Variants in RILP observed in about 807,000 individuals in gnomAD.
RILP encodes rab-interacting lysosomal protein.
A neutral mutation model predicts 40.0 loss-of-function variants in RILP; 53 were observed. That is an observed-to-expected ratio of 1.32 (90% confidence interval 1.06 to 1.66). The LOEUF (loss-of-function observed/expected upper bound fraction) is 1.66. Ranked by LOEUF, RILP falls within the 40% of genes most tolerant of loss-of-function variation. The pLI is 0.00. For missense variants in RILP, 626 were observed against 551.7 expected (o/e 1.13, Z -1.35); for synonymous variants, 272 against 250.6 (o/e 1.09, Z -0.80).
chr17:1,647,978 G>A, intron 5 of RILP, 21 bp from the exon 6 acceptor site: 1 of 1,613,098 alleles, frequency 6.2e-7, no homozygotes, highest in Non-Finnish European at 8.5e-7. Context: ...GGGGCAGGGA[G>A]GGAGAAAGCC....
chr17:1,647,810 C>T (rs780933810), intron 6 of RILP, 25 bp downstream of exon 6: 46 of 1,613,706 alleles, frequency 2.9e-5, no homozygotes, highest in African/African-American at 5.3e-5. Context: ...GGCCTGGCTC[C>T]GTGGGAATGC....
Position 1,649,163 on chromosome 17 carries a change from G to T in RILP, c.429+37C>A. On this transcript the variant is annotated intron_variant, in intron 3 of 7. Transcript: ENST00000301336. This position sits in a 1 kb window ranked among gnomAD's most constrained non-coding sequence, Gnocchi z 4.3. ...CCCCGCCCAGCGCCTGCCACGCTCCGCCCCCGCCCCGCCCCAGAGCCCCGC... is the reference window on the plus strand; with the variant it reads ...CCCCGCCCAGCGCCTGCCACGCTCCTCCCCCGCCCCGCCCCAGAGCCCCGC... The T allele has an allele frequency of 1.4e-6, 1 of 726,196 alleles. No homozygotes were observed. Among genetic ancestry groups the T allele is most frequent in the Non-Finnish European group, 1.9e-6 (1 of 538,306 alleles). The allele number at this position is 726,196 out of a possible 1,614,324, so 45.0% of individuals were successfully genotyped here.
chr17:1,649,083 A>AG lies in RILP; in HGVS notation c.430-40dup. 1.0e-5 allele frequency: 12 copies of AG among 1,179,184 alleles called. No individual in the cohort carries two copies. Among genetic ancestry groups the AG allele is most frequent in the Non-Finnish European group, 1.2e-5 (11 of 945,068 alleles). 73.0% of individuals were successfully genotyped at this position (1,179,184 alleles called of 1,614,324 possible). A position where few individuals can be genotyped will look rare whatever the true frequency, so the allele number is the denominator to read the frequency against. On this transcript the variant is annotated intron_variant, in intron 3 of 7. Coordinates refer to ENST00000301336, the MANE Select transcript of RILP (RefSeq NM_031430.3). This position sits in a 1 kb window ranked among gnomAD's most constrained non-coding sequence, Gnocchi z 4.3. ...AAAGGGTGGGGTGGGCGGGGCACCG[A>AG]GGGCCCCCCGGAGCCCCGCCCAGCG...
Position 1,648,843 on chromosome 17 carries a change from A to T in RILP, c.631T>A (p.Trp211Arg). ...PGHQHGQEPE[W>R]ATAGAGAPGN... Reference sequence around the variant, plus strand: ...GGGGCGCCTGCGCCGGCGGTCGCCCATTCGGGCTCCTGTCCGTGCTGGTGC... The same window carrying T: ...GGGGCGCCTGCGCCGGCGGTCGCCCTTTCGGGCTCCTGTCCGTGCTGGTGC... The change falls in exon 4 of 8, where the codon TGG becomes AGG. Residue 211 changes from tryptophan (W) to arginine (R), a missense_variant. Physicochemically the swap from Trp to Arg is moderately radical, Grantham distance 101. Coordinates refer to ENST00000301336, the MANE Select transcript of RILP (RefSeq NM_031430.3). This position sits in a 1 kb window ranked among gnomAD's most constrained non-coding sequence, Gnocchi z 4.9. 6.5e-7 allele frequency: 1 copy of T among 1,541,392 alleles called. No homozygotes were observed. Among genetic ancestry groups the T allele is most frequent in the Non-Finnish European group, 8.7e-7 (1 of 1,154,106 alleles).
chr17:1,648,897 G>T lies in RILP; in HGVS notation c.577C>A (p.Arg193=), dbSNP rs996186032. The T allele has an allele frequency of 6.5e-7, 1 of 1,527,392 alleles. No individual in the cohort carries two copies. Among genetic ancestry groups the T allele is most frequent in the Non-Finnish European group, 8.7e-7 (1 of 1,144,076 alleles). The allele number at this position is 1,527,392 out of a possible 1,614,324, so 94.6% of individuals were successfully genotyped here. A position where few individuals can be genotyped will look rare whatever the true frequency, so the allele number is the denominator to read the frequency against. ...GEAATPQAKE[R]ARGQAGRPGH... ...GGCCGCCCGGCCTGCCCCCGCGCTC[G>T]CTCTTTAGCCTGCGGAGTCGCGGCT... Residue 193 remains arginine, a synonymous_variant, in exon 4 of 8, where the codon CGA becomes AGA. Coordinates refer to ENST00000301336, the MANE Select transcript of RILP (RefSeq NM_031430.3). This position sits in a 1 kb window ranked among gnomAD's most constrained non-coding sequence, Gnocchi z 4.9.
chr17:1,646,713 G>A lies in RILP; in HGVS notation c.1029-94C>T, dbSNP rs978790843. 1 of 1,320,376 alleles carries A rather than the reference G, an allele frequency of 7.6e-7. No individual in the cohort carries two copies. The highest frequency in any genetic ancestry group is 1.5e-5 in the African/African-American group (1 of 67,572). The allele number at this position is 1,320,376 out of a possible 1,614,324, so 81.8% of individuals were successfully genotyped here. A position where few individuals can be genotyped will look rare whatever the true frequency, so the allele number is the denominator to read the frequency against. On this transcript the variant is annotated intron_variant, in intron 7 of 7. Transcript: ENST00000301336. The surrounding 1 kb of genome is among the most constrained non-coding windows in gnomAD (Gnocchi z 4.3). ...GGGGATGGTGAGAAAAGGGGAGAGG[G>A]GGAAGAAAGGGCAGCCTGAGGGAGT...
Position 1,647,911 on chromosome 17 carries a change from T to C in RILP, c.868A>G (p.Met290Val), listed in dbSNP as rs201074480. The C allele has an allele frequency of 1.5e-5, 24 of 1,613,996 alleles. 1 individual carries two copies. In the South Asian group the frequency reaches 2.4e-4, roughly 16 times the overall value. Residue 290 changes from methionine (M) to valine (V), a missense_variant, in exon 6 of 8, where the codon ATG becomes GTG. By Grantham distance (21) the Met-to-Val change is conservative. Transcript: ENST00000301336. ...HRVPGLLLEA[M>V]KVAVRKQRKK... is the part of the protein sequence containing the mutation. Reference sequence around the variant, plus strand: ...CGCTGCTTCCGGACAGCCACCTTCATGGCCTCGAGCAGAAGGCCGGGGACC... The same window carrying C: ...CGCTGCTTCCGGACAGCCACCTTCACGGCCTCGAGCAGAAGGCCGGGGACC...
In RILP at chr17:1,648,669, G is replaced by C; in HGVS notation, c.675+130C>G. The C allele has an allele frequency of 7.1e-7, 1 of 1,403,588 alleles. No individual in the cohort carries two copies. 86.9% of individuals were successfully genotyped at this position (1,403,588 alleles called of 1,614,324 possible). A position where few individuals can be genotyped will look rare whatever the true frequency, so the allele number is the denominator to read the frequency against. On this transcript the variant is annotated intron_variant, in intron 4 of 7. Coordinates refer to ENST00000301336, the MANE Select transcript of RILP (RefSeq NM_031430.3). The surrounding 1 kb of genome is among the most constrained non-coding windows in gnomAD (Gnocchi z 4.9). ...GAGCGGGGGCCGAGGCCGGCCGGGGGCGCAGATCTGTCTGCCACCTCCCCG... is the reference window on the plus strand; with the variant it reads ...GAGCGGGGGCCGAGGCCGGCCGGGGCCGCAGATCTGTCTGCCACCTCCCCG...
Position 1,649,515 on chromosome 17 carries a change from C to G in RILP, c.229-10G>C. ...GCGCCGACACCTGCAGCTGGGGAGA[C>G]CCGGGTCTCAGGCTTCGGCCCTGCC... On this transcript the variant is annotated splice_polypyrimidine_tract_variant and intron_variant, in intron 1 of 7. Coordinates refer to ENST00000301336, the MANE Select transcript of RILP (RefSeq NM_031430.3). This position sits in a 1 kb window ranked among gnomAD's most constrained non-coding sequence, Gnocchi z 4.3. 10 of 1,505,426 alleles carry G rather than the reference C, an allele frequency of 6.6e-6. No individual in the cohort carries two copies. The highest frequency in any genetic ancestry group is 8.8e-6 in the Non-Finnish European group (10 of 1,134,606). 93.3% of individuals were successfully genotyped at this position (1,505,426 alleles called of 1,614,324 possible).
chr17:1,648,806 T>A lies in RILP; in HGVS notation c.668A>T (p.Glu223Val), dbSNP rs1200089726. 1 of 1,518,166 alleles carries A rather than the reference T, an allele frequency of 6.6e-7. No individual in the cohort carries two copies. Among genetic ancestry groups the A allele is most frequent in the Non-Finnish European group, 8.7e-7 (1 of 1,144,078 alleles). 94.0% of individuals were successfully genotyped at this position (1,518,166 alleles called of 1,614,324 possible). Residue 223 changes from glutamate to valine, a missense_variant, in exon 4 of 8, where the codon GAG (glutamate) becomes GTG (valine). By Grantham distance (121) the Glu-to-Val change is moderately radical (BLOSUM62 -2). Coordinates refer to ENST00000301336, the MANE Select transcript of RILP (RefSeq NM_031430.3). The surrounding 1 kb of genome is among the most constrained non-coding windows in gnomAD (Gnocchi z 4.9). The part of the protein sequence containing the change: ...TAGAGAPGNP[E>V]DPAEAAQQLG... ...CCCTCATACGGCACTCACCGGGTCCTCAGGGTTCCCTGGGGCGCCTGCGCC... is the reference window on the plus strand; with the variant it reads ...CCCTCATACGGCACTCACCGGGTCCACAGGGTTCCCTGGGGCGCCTGCGCC...
In RILP at chr17:1,646,239, G is replaced by C; in HGVS notation, c.*203C>G. ...GCTAGGCAGTCAGCTCTCATTTCAT[G>C]GATGGGGAAACTGAGACTCAGAGAG... On this transcript the variant is annotated 3_prime_UTR_variant, in exon 8 of 8. Transcript: ENST00000301336. This position sits in a 1 kb window ranked among gnomAD's most constrained non-coding sequence, Gnocchi z 4.3. 1 of 494,392 alleles carries C rather than the reference G, an allele frequency of 2.0e-6. No individual in the cohort carries two copies. The highest frequency in any genetic ancestry group is 3.5e-6 in the Non-Finnish European group (1 of 283,970). 30.6% of individuals were successfully genotyped at this position (494,392 alleles called of 1,614,324 possible). A position where few individuals can be genotyped will look rare whatever the true frequency, so the allele number is the denominator to read the frequency against.
rs779177436 is a variant in RILP at position 1,646,609 on chromosome 17, A to G, written c.1039T>C (p.Trp347Arg). Residue 347 changes from tryptophan (W) to arginine (R), a missense_variant, in exon 8 of 8, where the codon TGG becomes CGG. By Grantham distance (101) the Trp-to-Arg change is moderately radical. Coordinates refer to ENST00000301336, the MANE Select transcript of RILP (RefSeq NM_031430.3). This position sits in a 1 kb window ranked among gnomAD's most constrained non-coding sequence, Gnocchi z 4.3. ...GAGGATTCAGCTTTACCCCGATACC[A>G]TAGGCCAAAGCTGGAGAGAGACAGC... ...ESKIQSFFGLWYRGKAESSED... is the reference protein window; with the variant it reads ...ESKIQSFFGLRYRGKAESSED... 2 of 1,580,044 alleles carry G rather than the reference A, an allele frequency of 1.3e-6. No individual in the cohort carries two copies. Among genetic ancestry groups the G allele is most frequent in the Non-Finnish European group, 1.7e-6 (2 of 1,163,792 alleles).
In RILP at chr17:1,646,263, A is replaced by T; in HGVS notation, c.*179T>A. ...TGGATGGGGAAACTGAGACTCAGAG[A>T]GGCACTCTTATATCTGGCCCCAGAG... On this transcript the variant is annotated 3_prime_UTR_variant, in exon 8 of 8. Coordinates refer to ENST00000301336, the MANE Select transcript of RILP (RefSeq NM_031430.3). This position sits in a 1 kb window ranked among gnomAD's most constrained non-coding sequence, Gnocchi z 4.3. 1 of 513,092 alleles carries T rather than the reference A, an allele frequency of 1.9e-6. No individual in the cohort carries two copies. The highest frequency in any genetic ancestry group is 3.3e-6 in the Non-Finnish European group (1 of 298,742). 31.8% of individuals were successfully genotyped at this position (513,092 alleles called of 1,614,324 possible).
chr17:1,647,777 G>T, intron 6 of RILP, 58 bp downstream of exon 6: 7 of 1,609,708 alleles, frequency 4.3e-6, no homozygotes, highest in Non-Finnish European at 5.1e-6. Flanking sequence ...TGGGTCATCA[G>T]GCTCAGCAGA....
At position 1,648,129 on chromosome 17, in the gene RILP, C is replaced by A. The variant is rs933581201; in HGVS notation, c.822-172G>T. On this transcript the variant is annotated intron_variant, in intron 5 of 7. Transcript: ENST00000301336. This position sits in a 1 kb window ranked among gnomAD's most constrained non-coding sequence, Gnocchi z 4.9. ...ACCCTCAGACCTTAAATTAGGTGGC[C>A]CCGTGGCCCCCTCCTAGGAGAGATT... is the stretch of plus-strand genomic sequence containing the variant. Among the ~76,000 whole-genome samples the A allele has an allele frequency of 1.3e-5, 2 of 152,216 alleles. No homozygotes were observed. The highest frequency in any genetic ancestry group is 4.8e-5 in the African/African-American group (2 of 41,462).
chr17:1,649,046 T>G lies in RILP; in HGVS notation c.430-2A>C, dbSNP rs1281514446. On this transcript the variant is annotated splice_acceptor_variant, in intron 3 of 7. Coordinates refer to ENST00000301336, the MANE Select transcript of RILP (RefSeq NM_031430.3). LOFTEE classifies it high-confidence loss of function. The surrounding 1 kb of genome is among the most constrained non-coding windows in gnomAD (Gnocchi z 4.3). ...GAGGCGCTGCAGCTGCTCCTGCAAC[T>G]GGGAGCGGAGCAAAGGGTGGGGTGG... 1 of 270,508 alleles carries G rather than the reference T, an allele frequency of 3.7e-6. No homozygotes were observed. The highest frequency in any genetic ancestry group is 3.1e-5 in the South Asian group (1 of 32,524). The allele number at this position is 270,508 out of a possible 1,614,324, so 16.8% of individuals were successfully genotyped here. A position where few individuals can be genotyped will look rare whatever the true frequency, so the allele number is the denominator to read the frequency against.
In RILP at chr17:1,646,690, G is replaced by A. The variant is rs1910597198; in HGVS notation, c.1029-71C>T. The A allele has an allele frequency of 3.4e-5, 50 of 1,462,636 alleles. No individual in the cohort carries two copies. Among genetic ancestry groups the A allele is most frequent in the Non-Finnish European group, 4.6e-5 (50 of 1,082,716 alleles). The allele number at this position is 1,462,636 out of a possible 1,614,324, so 90.6% of individuals were successfully genotyped here. ...GGTCAAGGATATGGGTGAGGGCAGG[G>A]GATGGTGAGAAAAGGGGAGAGGGGG... On this transcript the variant is annotated intron_variant, in intron 7 of 7. Transcript: ENST00000301336. The surrounding 1 kb of genome is among the most constrained non-coding windows in gnomAD (Gnocchi z 4.3).
rs1473587079 is a variant in RILP at position 1,649,242 on chromosome 17, C to T, written c.387G>A (p.Ala129=). ...VTDRQRDELR[A]HNRDLRQRGQ... Reference sequence around the variant, plus strand: ...CGCGCTGCCGCAGGTCGCGGTTGTGCGCCCGGAGTTCGTCCCGCTGTCGGT... The same window carrying T: ...CGCGCTGCCGCAGGTCGCGGTTGTGTGCCCGGAGTTCGTCCCGCTGTCGGT... The change falls in exon 3 of 8, where the codon GCG becomes GCA. Residue 129 remains alanine, a synonymous_variant. Transcript: ENST00000301336. The surrounding 1 kb of genome is among the most constrained non-coding windows in gnomAD (Gnocchi z 4.3). 2 of 1,449,722 alleles carry T rather than the reference C, an allele frequency of 1.4e-6. No homozygotes were observed. Among genetic ancestry groups the T allele is most frequent in the Admixed American group, 2.1e-5 (1 of 47,216 alleles). The allele number at this position is 1,449,722 out of a possible 1,614,324, so 89.8% of individuals were successfully genotyped here. A position where few individuals can be genotyped will look rare whatever the true frequency, so the allele number is the denominator to read the frequency against.
Position 1,649,326 on chromosome 17 carries a change from A to C in RILP, c.323-20T>G. On this transcript the variant is annotated intron_variant, in intron 2 of 7. Coordinates refer to ENST00000301336, the MANE Select transcript of RILP (RefSeq NM_031430.3). This position sits in a 1 kb window ranked among gnomAD's most constrained non-coding sequence, Gnocchi z 4.3. Reference sequence around the variant, plus strand: ...GCTCCTCTGAGGAAGGGGCGTTCTTAGCGGCGGCGGCGCGCGGCCCGCGGG... The same window carrying C: ...GCTCCTCTGAGGAAGGGGCGTTCTTCGCGGCGGCGGCGCGCGGCCCGCGGG... The C allele has an allele frequency of 6.7e-7, 1 of 1,493,914 alleles. No homozygotes were observed. Among genetic ancestry groups the C allele is most frequent in the Non-Finnish European group, 8.9e-7 (1 of 1,128,646 alleles). The allele number at this position is 1,493,914 out of a possible 1,614,324, so 92.5% of individuals were successfully genotyped here. A position where few individuals can be genotyped will look rare whatever the true frequency, so the allele number is the denominator to read the frequency against.
Sources: allele counts gnomAD v4.1 joint callset (sites outside exome capture counted in the v4.1 genomes callset), GRCh38; gene constraint gnomAD v4.1.1; non-coding constraint Gnocchi (gnomAD v3.1); transcripts MANE v1.5; gene names NCBI Gene and HGNC (gene_info 2026-07-23, HGNC 2026-07-21).